RPTOR: variants seen among roughly 807,000 people sequenced by gnomAD.
RPTOR encodes regulatory associated protein of MTOR complex 1.
Under a neutral mutation model 169.9 loss-of-function variants are expected in RPTOR, and 21 were observed. The ratio of observed to expected loss-of-function variants is 0.12; its 90% confidence interval spans 0.09 to 0.18. The LOEUF (loss-of-function observed/expected upper bound fraction) is 0.18, where lower values mean the gene tolerates loss of function less well. Ranked by LOEUF, RPTOR falls within the 10% of genes least tolerant of loss-of-function variation. The pLI, the probability that RPTOR is intolerant of heterozygous loss-of-function variation, is 1.00. For missense variants in RPTOR, 1,133 were observed against 1,855.9 expected, an observed-to-expected ratio of 0.61 and a Z score of 7.16; for synonymous variants, 732 against 753.2, an observed-to-expected ratio of 0.97 and a Z score of 0.46.
At chr17:80,949,630 CT>C in intron 28 of RPTOR, 83 bp downstream of exon 28, 1 of 1,156,020 alleles carries the variant, frequency 8.7e-7, no homozygotes. Context: ...CCTTCTGGGG[CT>C]GTCTCTAAAC....
At chr17:80,950,637 C>T (rs567324236) in intron 28 of RPTOR, among the ~76,000 whole-genome samples, 1 of 152,266 alleles carries the variant, frequency 6.6e-6, no homozygotes, top group South Asian at 2.1e-4. Context: ...CGAGGCAACC[C>T]TCTTCTGGGG....
intron 3 of RPTOR, among the ~76,000 whole-genome samples, chr17:80,692,637 A>T (rs555076830): frequency 6.6e-6 from 1 of 152,066 alleles, no homozygotes; most frequent in East Asian, 1.9e-4. Flanking sequence ...ATTTATTTAT[A>T]TTTTTAGTAG....
intron 4 of RPTOR, among the ~76,000 whole-genome samples, chr17:80,717,518 C>T (rs998448125): frequency 2.6e-5 from 4 of 152,136 alleles, no homozygotes; most frequent in African/African-American, 9.7e-5. Context: ...TTGCACATCA[C>T]GTGGCATGCC....
intron 3 of RPTOR, among the ~76,000 whole-genome samples, chr17:80,702,694 G>T (rs34710385): frequency 6.6e-6 from 1 of 152,084 alleles, no homozygotes; most frequent in Non-Finnish European, 1.5e-5. Context: ...AGCTAAATCC[G>T]TTTTTCGCAG....
intron 13 of RPTOR, among the ~76,000 whole-genome samples, chr17:80,871,952 C>T (rs952643464): frequency 2.0e-5 from 3 of 152,170 alleles, no homozygotes; most frequent in Non-Finnish European, 2.9e-5. Flanking sequence ...GTCAGGAACG[C>T]GCCTGTGCCC....
chr17:80,738,692 A>G (rs2066455517), intron 5 of RPTOR, among the ~76,000 whole-genome samples: 1 of 152,220 alleles, frequency 6.6e-6, no homozygotes, highest in Admixed American at 6.5e-5. Flanking sequence ...TTCTACTGTC[A>G]TAAGCTTACT....
At chr17:80,615,997 G>T (rs2065306866) in intron 1 of RPTOR, among the ~76,000 whole-genome samples, 1 of 152,138 alleles carries the variant, frequency 6.6e-6, no homozygotes, top group South Asian at 2.1e-4. Context: ...GCAGAACAAA[G>T]CTCTGAGCAT....
chr17:80,737,418 C>T (rs2143234058), intron 5 of RPTOR, among the ~76,000 whole-genome samples: 1 of 152,312 alleles, frequency 6.6e-6, no homozygotes, highest in South Asian at 2.1e-4. Context: ...AAAAAACCCA[C>T]CACCAGCCTG....
At chr17:80,757,382 C>G (rs115005480) in intron 6 of RPTOR, among the ~76,000 whole-genome samples, 198 of 152,274 alleles carry the variant, frequency 1.3e-3, no homozygotes, top group African/African-American at 4.6e-3. Flanking sequence ...TGCTCTCCAT[C>G]CTTGTTTGTT....
intron 1 of RPTOR, among the ~76,000 whole-genome samples, chr17:80,583,246 T>C (rs2065032536): frequency 7.4e-6 from 1 of 135,982 alleles, no homozygotes; most frequent in Non-Finnish European, 1.5e-5. Context: ...TGGAGTGCAG[T>C]GGCGCGATCA....
chr17:80,788,535 C>G (rs528821678), intron 6 of RPTOR, among the ~76,000 whole-genome samples: 3 of 152,146 alleles, frequency 2.0e-5, no homozygotes, highest in Non-Finnish European at 4.4e-5. Context: ...AATAAAAACA[C>G]CGCTCCACTG....
chr17:80,688,849 C>T (rs551943514), intron 3 of RPTOR, among the ~76,000 whole-genome samples: 70 of 152,368 alleles, frequency 4.6e-4, no homozygotes, highest in African/African-American at 1.5e-3. Context: ...CCCAGGCCGG[C>T]GCATGTTGGA....
intron 1 of RPTOR, among the ~76,000 whole-genome samples, chr17:80,589,143 A>T (rs534825837): frequency 6.6e-6 from 1 of 152,322 alleles, no homozygotes; most frequent in African/African-American, 2.4e-5. Flanking sequence ...CCCATCCGGC[A>T]TTGGCTTTGC....
chr17:80,583,182 G>GTTTTTTTTTTTTTTTT lies in RPTOR; in HGVS notation c.162+37400_162+37415dup, dbSNP rs1166711662. ...GGTCCCTGTCCACTGCCTCTTTCCTGTTTTTTTTTTTTTTTTTTTTTTTTG... is the reference window on the plus strand; with the variant it reads ...GGTCCCTGTCCACTGCCTCTTTCCTGTTTTTTTTTTTTTTTTTTTTTTTTTTTTTTTTTTTTTTTTG... On this transcript the variant is annotated intron_variant, in intron 1 of 33. Coordinates refer to ENST00000306801, the MANE Select transcript of RPTOR (RefSeq NM_020761.3). Among the ~76,000 whole-genome samples the GTTTTTTTTTTTTTTTT allele has an allele frequency of 1.5e-4, 12 of 79,268 alleles. 1 individual carries two copies. Among genetic ancestry groups the GTTTTTTTTTTTTTTTT allele is most frequent in the Non-Finnish European group, 2.2e-4 (9 of 40,998 alleles). The allele number at this position is 79,268 out of a possible 152,430, so 52.0% of individuals were successfully genotyped here. A position where few individuals can be genotyped will look rare whatever the true frequency, so the allele number is the denominator to read the frequency against.
At chr17:80,934,839 A>G (rs2144022247) in intron 24 of RPTOR, among the ~76,000 whole-genome samples, 1 of 152,258 alleles carries the variant, frequency 6.6e-6, no homozygotes, top group South Asian at 2.1e-4. Flanking sequence ...TGATATCAAA[A>G]CCAAAGATAT....
chr17:80,583,190 T>TG (rs1555717388), intron 1 of RPTOR, among the ~76,000 whole-genome samples: 6 of 129,140 alleles, frequency 4.6e-5, no homozygotes, highest in East Asian at 4.3e-4. Flanking sequence ...CTGTTTTTTT[T>TG]TTTTTTTTTT....
chr17:80,828,705 GA>G (rs1296686307), intron 9 of RPTOR, among the ~76,000 whole-genome samples: 12 of 152,206 alleles, frequency 7.9e-5, no homozygotes, highest in Non-Finnish European at 1.5e-4. Flanking sequence ...GGTCGCTAAG[GA>G]AAAACCAAGC....
intron 3 of RPTOR, among the ~76,000 whole-genome samples, chr17:80,683,913 G>A (rs1232422013): frequency 6.6e-6 from 1 of 152,160 alleles, no homozygotes; most frequent in African/African-American, 2.4e-5. Context: ...TACAGAATGG[G>A]ACTTAGAAGC....
intron 13 of RPTOR, among the ~76,000 whole-genome samples, chr17:80,874,386 G>GGGGTTTCACCGTGTTAGCCA (rs1567961062): frequency 6.6e-6 from 1 of 152,096 alleles, no homozygotes; most frequent in African/African-American, 2.4e-5. Flanking sequence ...TAGTAGAGAT[G>GGGGTTTCACCGTGTTAGCCA]GGGTTTCACC....
Sources: gnomAD v4.1 joint callset for allele counts (sites outside exome capture counted in the v4.1 genomes callset) on GRCh38, gnomAD v4.1.1 for gene constraint, MANE v1.5 for transcripts, NCBI Gene and HGNC (gene_info 2026-07-23, HGNC 2026-07-21) for gene names.